The following KCNN2 variants were observed in gnomAD, a reference collection of about 807,000 sequenced individuals.
KCNN2 encodes potassium calcium-activated channel subfamily N member 2, also known as small conductance calcium-activated potassium channel protein 2.
A neutral mutation model predicts 55.5 loss-of-function variants in KCNN2; 24 were observed. That is an observed-to-expected ratio of 0.43 (90% CI 0.31 to 0.61). The LOEUF (loss-of-function observed/expected upper bound fraction) is 0.61, where lower values mean the gene tolerates loss of function less well. Among genes scored for constraint, KCNN2 ranks in the 20% least tolerant of loss-of-function variants. KCNN2 has a pLI of 0.08. For synonymous variants in KCNN2, 431 were observed against 336.1 expected, an observed-to-expected ratio of 1.28 and a Z score of -3.09; for missense variants, 754 against 853.6, an observed-to-expected ratio of 0.88 and a Z score of 1.45.
rs183749327 is a variant in KCNN2 at position 114,254,258 on chromosome 5, T to A, written c.-185+32693T>A. ...AATACACTCAGCATTTCTATTTTTT[T>A]TAAAAAAATAAGCAAATGTATTATA... On this transcript the variant is annotated intron_variant, in intron 2 of 10. Coordinates refer to the KCNN2 transcript ENST00000512097. Among the ~76,000 whole-genome samples, 541 of 152,198 alleles carry A rather than the reference T, an allele frequency of 3.6e-3. 5 individuals carry two copies. Among genetic ancestry groups the A allele is most frequent in the African/African-American group, 0.012 (486 of 41,544 alleles).
At chr5:114,469,043 G>T (rs930942086) in intron 4 of KCNN2, among the ~76,000 whole-genome samples, 4 of 152,178 alleles carry the variant, frequency 2.6e-5, no homozygotes, top group Non-Finnish European at 5.9e-5. Flanking sequence ...CGCTATAATG[G>T]AGAAGAATAC....
chr5:114,462,759 G>A (rs1450320017), intron 3 of KCNN2, among the ~76,000 whole-genome samples: 1 of 152,192 alleles, frequency 6.6e-6, no homozygotes, highest in Non-Finnish European at 1.5e-5. Context: ...CACGGGCAGG[G>A]GCCGGAGGAG....
At chr5:114,214,206 T>C (rs1753953389) in intron 1 of KCNN2, among the ~76,000 whole-genome samples, 1 of 151,966 alleles carries the variant, frequency 6.6e-6, no homozygotes, top group African/African-American at 2.4e-5. Context: ...TGCCATACAG[T>C]CTCTGTTGAA....
At chr5:114,064,855 T>C (rs1580477683) in intron 1 of KCNN2, among the ~76,000 whole-genome samples, 1 of 152,186 alleles carries the variant, frequency 6.6e-6, no homozygotes, top group East Asian at 1.9e-4. Context: ...TTAATAAAAT[T>C]ATTAGTGATA....
intron 1 of KCNN2, among the ~76,000 whole-genome samples, chr5:114,098,839 T>G (rs1329303395): frequency 6.6e-6 from 1 of 152,112 alleles, no homozygotes; most frequent in African/African-American, 2.4e-5. Context: ...CAGTGGCATT[T>G]GGTTACATAC....
intron 1 of KCNN2, among the ~76,000 whole-genome samples, chr5:114,105,065 A>G (rs1457740177): frequency 2.6e-5 from 4 of 152,042 alleles, no homozygotes; most frequent in Non-Finnish European, 4.4e-5. Context: ...CACGAGTACA[A>G]TTATATACCC....
chr5:114,155,318 T>C (rs776523350), intron 1 of KCNN2, among the ~76,000 whole-genome samples: 2 of 152,206 alleles, frequency 1.3e-5, no homozygotes, highest in Non-Finnish European at 2.9e-5. Context: ...TTCTGTGTCA[T>C]TGGTATTGTG....
intron 3 of KCNN2, among the ~76,000 whole-genome samples, chr5:114,405,721 T>G (rs540113667): frequency 1.5e-3 from 229 of 151,458 alleles, no homozygotes; most frequent in East Asian, 5.8e-3. Flanking sequence ...GTTTTGTTTT[T>G]TTTTTTTGAG....
At chr5:114,156,695 A>C (rs1338274791) in intron 1 of KCNN2, among the ~76,000 whole-genome samples, 1 of 152,234 alleles carries the variant, frequency 6.6e-6, no homozygotes, top group South Asian at 2.1e-4. Context: ...CTATTGGTGT[A>C]TAGGAATGCT....
At chr5:114,168,166 G>GTT (rs1554072774) in intron 1 of KCNN2, among the ~76,000 whole-genome samples, 12 of 139,568 alleles carry the variant, frequency 8.6e-5, no homozygotes, top group Non-Finnish European at 1.4e-4. Context: ...TATATATGTG[G>GTT]ATATATATAC....
intron 1 of KCNN2, among the ~76,000 whole-genome samples, chr5:114,129,398 C>T (rs759324201): frequency 2.6e-5 from 4 of 151,662 alleles, no homozygotes; most frequent in Non-Finnish European, 5.9e-5. Flanking sequence ...CATATTTCCA[C>T]GTAAAACCTA....
At chr5:114,194,352 C>T (rs970715666) in intron 1 of KCNN2, among the ~76,000 whole-genome samples, 8 of 152,040 alleles carry the variant, frequency 5.3e-5, no homozygotes, top group East Asian at 1.9e-4. Flanking sequence ...CCACATTTTG[C>T]CTACCCTTAA....
chr5:114,477,566 C>A (rs984748556), intron 5 of KCNN2, among the ~76,000 whole-genome samples: 6 of 152,072 alleles, frequency 3.9e-5, no homozygotes, highest in Non-Finnish European at 7.4e-5. Context: ...AAACATAATA[C>A]CATTACCTTG....
chr5:114,142,977 C>A (rs1752317235), intron 1 of KCNN2, among the ~76,000 whole-genome samples: 1 of 152,086 alleles, frequency 6.6e-6, no homozygotes, highest in Non-Finnish European at 1.5e-5. Flanking sequence ...TGGCCAGCAG[C>A]CTGCAATGCA....
intron 2 of KCNN2, among the ~76,000 whole-genome samples, chr5:114,364,362 C>A (rs1399838253): frequency 6.6e-6 from 1 of 152,126 alleles, no homozygotes; most frequent in Admixed American, 6.5e-5. Flanking sequence ...GACACCTCTT[C>A]CTAGTGGGTG....
chr5:114,267,543 C>A (rs904347047), intron 2 of KCNN2, among the ~76,000 whole-genome samples: 2 of 151,972 alleles, frequency 1.3e-5, no homozygotes, highest in Non-Finnish European at 2.9e-5. Context: ...AGTGGTTGAC[C>A]CCTGAATTTG....
At chr5:114,130,251 C>T (rs1167404218) in intron 1 of KCNN2, among the ~76,000 whole-genome samples, 1 of 152,002 alleles carries the variant, frequency 6.6e-6, no homozygotes, top group East Asian at 1.9e-4. Context: ...TTTATATATC[C>T]TTGGTTAGAT....
At chr5:114,078,945 T>G (rs1750741119) in intron 1 of KCNN2, among the ~76,000 whole-genome samples, 1 of 152,200 alleles carries the variant, frequency 6.6e-6, no homozygotes, top group Non-Finnish European at 1.5e-5. Flanking sequence ...TCATTTTTTT[T>G]GTATGTGTCT....
intron 1 of KCNN2, among the ~76,000 whole-genome samples, chr5:114,209,566 T>C (rs1753837695): frequency 6.6e-6 from 1 of 152,050 alleles, no homozygotes; most frequent in Non-Finnish European, 1.5e-5. Flanking sequence ...TAATTAAACC[T>C]AAGAAAACTG....
Sources: allele counts gnomAD v4.1 joint callset (sites outside exome capture counted in the v4.1 genomes callset), GRCh38; gene constraint gnomAD v4.1.1; transcripts MANE v1.5; gene names NCBI Gene and HGNC (gene_info 2026-07-23, HGNC 2026-07-21).